Variants in ARHGEF37 observed in about 807,000 individuals in gnomAD.
ARHGEF37 encodes the protein Rho guanine nucleotide exchange factor 37.
A neutral mutation model predicts 71.1 loss-of-function variants in ARHGEF37; 55 were observed. That is an observed-to-expected ratio of 0.77 (90% CI 0.62 to 0.97). The LOEUF is 0.97. Ranked by LOEUF, ARHGEF37 falls within the 50% of genes least tolerant of loss-of-function variation. ARHGEF37 has a pLI of 0.00. For synonymous variants in ARHGEF37, 327 were observed against 350.6 expected, an observed-to-expected ratio of 0.93 and a Z score of 0.75; for missense variants, 765 against 836.8, an observed-to-expected ratio of 0.91 and a Z score of 1.06.
chr5:149,554,020 T>G (rs2113223832), intron 1 of ARHGEF37, among the ~76,000 whole-genome samples: 1 of 152,116 alleles, frequency 6.6e-6, no homozygotes, highest in African/African-American at 2.4e-5. Context: ...ACACAAAAAT[T>G]AGCCGGGCGT....
chr5:149,609,790 C>T (rs1478706699), intron 4 of ARHGEF37, 95 bp downstream of exon 4: 10 of 1,527,336 alleles, frequency 6.5e-6, no homozygotes, highest in Non-Finnish European at 8.9e-6. Context: ...ATTCGTGCTG[C>T]TTCACGAGTG....
intron 4 of ARHGEF37, among the ~76,000 whole-genome samples, chr5:149,612,501 A>G (rs536707054): frequency 6.6e-6 from 1 of 152,240 alleles, no homozygotes; most frequent in Admixed American, 6.5e-5. Context: ...TAAGAGAAAG[A>G]AGGAAATAAC....
chr5:149,569,477 G>C (rs562589102), intron 1 of ARHGEF37, among the ~76,000 whole-genome samples: 1 of 150,932 alleles, frequency 6.6e-6, no homozygotes, highest in Non-Finnish European at 1.5e-5. Flanking sequence ...CTGTCACCAC[G>C]CCCGACTAAT....
In ARHGEF37 at chr5:149,620,308, G is replaced by T. The variant is rs752289017; in HGVS notation, c.895-46G>T. 5.9e-6 allele frequency: 8 copies of T among 1,366,398 alleles called. No homozygotes were observed. In the African/African-American group the frequency reaches 1.2e-4, roughly 21 times the overall value. 84.6% of individuals were successfully genotyped at this position (1,366,398 alleles called of 1,614,324 possible). A position where few individuals can be genotyped will look rare whatever the true frequency, so the allele number is the denominator to read the frequency against. On this transcript the variant is annotated intron_variant, in intron 7 of 12. Transcript: ENST00000333677. ...TGGAAGGGGATTCCAGCGTAAGATG[G>T]CCATGACAGGCATGATTGGATGTTT...
Position 149,610,087 on chromosome 5 carries a change from C to T in ARHGEF37, c.458+392C>T, listed in dbSNP as rs137862998. Reference sequence around the variant, plus strand: ...GCCAGAAATAATATTAATCACTTCTCGTAATTCATTGGCCAGGACTAATCA... The same window carrying T: ...GCCAGAAATAATATTAATCACTTCTTGTAATTCATTGGCCAGGACTAATCA... On this transcript the variant is annotated intron_variant, in intron 4 of 12. Coordinates refer to ENST00000333677, the MANE Select transcript of ARHGEF37 (RefSeq NM_001001669.3). Among the ~76,000 whole-genome samples, 733 of 152,278 alleles carry T rather than the reference C, an allele frequency of 4.8e-3. 6 individuals carry two copies. The highest frequency in any genetic ancestry group is 0.017 in the African/African-American group (692 of 41,538).
At chr5:149,551,983 A>G (rs1762679141) in exon 1 of ARHGEF37, 1 of 152,196 alleles carries the variant, frequency 6.6e-6, no homozygotes, top group Non-Finnish European at 1.5e-5. Flanking sequence ...CTTCATAATT[A>G]GAATTGTCCT....
intron 11 of ARHGEF37, 23 bp from the exon 12 acceptor site, chr5:149,628,786 C>T: frequency 1.2e-6 from 2 of 1,603,318 alleles, no homozygotes; most frequent in Non-Finnish European, 8.5e-7. Context: ...CCGCAGCCTG[C>T]TAACCTTCTG....
At chr5:149,618,842 T>G in intron 6 of ARHGEF37, 96 bp from the exon 7 acceptor site, 2 of 978,520 alleles carry the variant, frequency 2.0e-6, no homozygotes, top group Non-Finnish European at 1.6e-6. Flanking sequence ...TGGGCGAGTC[T>G]GTGGAAAGGT....
Position 149,628,962 on chromosome 5 carries a change from A to T in ARHGEF37, c.1814A>T (p.Asn605Ile), listed in dbSNP as rs752099085. The change falls in exon 12 of 13, where the codon AAC becomes ATC. Residue 605 changes from asparagine (N) to isoleucine (I), a missense_variant. Physicochemically the swap from Asn to Ile is moderately radical, Grantham distance 149. Transcript: ENST00000333677. Reference protein sequence around the residue: ...PALVPSIPTMNQVIAAYPFVA... With the variant: ...PALVPSIPTMIQVIAAYPFVA... ...CTAGTGCCCTCTATTCCCACCATGA[A>T]CCAGGTGAGTATAGGAGAGGGCTGG... The T allele has an allele frequency of 8.1e-6, 13 of 1,611,866 alleles. No homozygotes were observed. The Middle Eastern group carries it at 8.4e-4, about 104-fold the overall frequency.
chr5:149,569,075 G>C (rs188048525), intron 1 of ARHGEF37, among the ~76,000 whole-genome samples: 70 of 152,066 alleles, frequency 4.6e-4, no homozygotes, highest in Non-Finnish European at 7.5e-4. Flanking sequence ...TACATTAGTA[G>C]TTTGTTTCTT....
Position 149,593,133 on chromosome 5 carries a change from A to G in ARHGEF37, c.-11-4626A>G, listed in dbSNP as rs1763457561. ...TTCTCCACATTCCTGCCAGCATTTG[A>G]TATTCTATAATATTTTTTTGGTAGC... On this transcript the variant is annotated intron_variant, in intron 1 of 12. Transcript: ENST00000333677. Among the ~76,000 whole-genome samples the G allele has an allele frequency of 2.0e-5, 3 of 152,152 alleles. No homozygotes were observed. In the South Asian group the frequency reaches 6.2e-4, roughly 31 times the overall value.
chr5:149,602,161 A>G (rs1763777103), intron 3 of ARHGEF37, among the ~76,000 whole-genome samples: 1 of 151,452 alleles, frequency 6.6e-6, no homozygotes, highest in African/African-American at 2.4e-5. Flanking sequence ...GGTTCAAGCA[A>G]TTCTCCTGCC....
At chr5:149,554,361 G>A (rs991625987) in intron 1 of ARHGEF37, among the ~76,000 whole-genome samples, 4 of 152,154 alleles carry the variant, frequency 2.6e-5, no homozygotes, top group Non-Finnish European at 5.9e-5. Flanking sequence ...ATGAATGATA[G>A]GTACTTGTAT....
At chr5:149,629,797 C>T (rs1409845199) in intron 12 of ARHGEF37, among the ~76,000 whole-genome samples, 1 of 152,164 alleles carries the variant, frequency 6.6e-6, no homozygotes, top group Non-Finnish European at 1.5e-5. Context: ...AACCCACAGG[C>T]CCATCAATAT....
At chr5:149,569,476 C>A (rs1201897098) in intron 1 of ARHGEF37, among the ~76,000 whole-genome samples, 1 of 151,484 alleles carries the variant, frequency 6.6e-6, no homozygotes, top group East Asian at 1.9e-4. Flanking sequence ...CCTGTCACCA[C>A]GCCCGACTAA....
intron 7 of ARHGEF37, among the ~76,000 whole-genome samples, chr5:149,619,791 TG>T: frequency 6.6e-6 from 1 of 152,166 alleles, no homozygotes; most frequent in Non-Finnish European, 1.5e-5. Context: ...AACGCACTGC[TG>T]GGTGCAGTGG....
intron 3 of ARHGEF37, among the ~76,000 whole-genome samples, chr5:149,601,511 TC>T (rs143821631): frequency 3.3e-5 from 5 of 152,340 alleles, no homozygotes; most frequent in African/African-American, 1.2e-4. Context: ...AGTCTGTGTC[TC>T]TTTCACATTC....
chr5:149,632,187 C>T lies in ARHGEF37; in HGVS notation c.2024C>T (p.Ser675Phe), dbSNP rs1413034325. Residue 675 changes from serine to phenylalanine, a missense_variant, in exon 13 of 13, where the codon TCT (serine) becomes TTT (phenylalanine). Around this residue, in one of 5 missense-constraint regions of ARHGEF37, gnomAD observed 390 missense variants for 407.4 expected, o/e 0.96. Transcript: ENST00000333677. The stretch of plus-strand genomic sequence containing the variant: ...GTTCTGTGGGGCTGGAGTCTGCCCT[C>T]TTAGGGTACCCTCTTTGGAGCCTAC... ...SPVLWGWSLP[S>F] 3 of 1,613,990 alleles carry T rather than the reference C, an allele frequency of 1.9e-6. No individual in the cohort carries two copies. The highest frequency in any genetic ancestry group is 2.5e-6 in the Non-Finnish European group (3 of 1,179,928).
intron 3 of ARHGEF37, among the ~76,000 whole-genome samples, chr5:149,604,267 T>C (rs889818082): frequency 1.1e-4 from 16 of 152,198 alleles, no homozygotes; most frequent in African/African-American, 3.9e-4. Flanking sequence ...GGGTTTCCAG[T>C]TAAAATATGG....
Sources: gnomAD v4.1 joint callset for allele counts (sites outside exome capture counted in the v4.1 genomes callset) on GRCh38, gnomAD v4.1.1 for gene constraint, gnomAD v4.1.1 regional missense constraint, MANE v1.5 for transcripts, NCBI Gene and HGNC (gene_info 2026-07-23, HGNC 2026-07-21) for gene names.